The following EXOC4 variants were observed in gnomAD, a reference collection of about 807,000 sequenced individuals.
EXOC4 encodes the protein SEC8-like 1.
In EXOC4, 71 loss-of-function variants were observed where a neutral mutation model predicts 107.2. The ratio of observed to expected loss-of-function variants is 0.66; its 90% confidence interval spans 0.55 to 0.81. The LOEUF is 0.81. Among genes scored for constraint, EXOC4 ranks in the 30% least tolerant of loss-of-function variants. The pLI is 0.00. For missense variants in EXOC4, 1,108 were observed against 1,189.6 expected, an observed-to-expected ratio of 0.93 and a Z score of 1.01; for synonymous variants, 456 against 441.2, an observed-to-expected ratio of 1.03 and a Z score of -0.42.
chr7:133,346,626 T>C (rs1795789412), intron 5 of EXOC4, among the ~76,000 whole-genome samples: 1 of 152,182 alleles, frequency 6.6e-6, no homozygotes, highest in South Asian at 2.1e-4. Flanking sequence ...GTGGGGCTTC[T>C]AGATAAGTAA....
intron 9 of EXOC4, among the ~76,000 whole-genome samples, chr7:133,498,323 C>T (rs568041828): frequency 3.3e-5 from 5 of 152,146 alleles, no homozygotes; most frequent in South Asian, 2.1e-4. Context: ...CGGTGGCTCA[C>T]GCCTGTAATC....
chr7:133,320,855 A>G (rs966764336), intron 5 of EXOC4, among the ~76,000 whole-genome samples: 2 of 152,220 alleles, frequency 1.3e-5, no homozygotes, highest in Non-Finnish European at 2.9e-5. Flanking sequence ...ACAAAATGTT[A>G]CTAAGTACAT....
intron 5 of EXOC4, among the ~76,000 whole-genome samples, chr7:133,339,471 G>T (rs115095189): frequency 1.0e-3 from 152 of 152,248 alleles, no homozygotes; most frequent in African/African-American, 3.5e-3. Context: ...TTTTTGTATA[G>T]TATTGCTTTG....
At chr7:134,037,506 G>A (rs980984084) in intron 17 of EXOC4, among the ~76,000 whole-genome samples, 2 of 152,050 alleles carry the variant, frequency 1.3e-5, no homozygotes, top group African/African-American at 4.8e-5. Flanking sequence ...ATCTGAATTC[G>A]TTTCGGCATA....
intron 7 of EXOC4, among the ~76,000 whole-genome samples, chr7:133,418,173 A>C (rs78453889): frequency 8.2e-4 from 125 of 152,334 alleles, no homozygotes; most frequent in African/African-American, 2.8e-3. Flanking sequence ...TCCGTGCTTT[A>C]CATATTTAGA....
rs1563033328 is a variant in EXOC4, at chr7:133,863,375, C to T, written c.1735-32224C>T. ...TATTATAACAATGAAAAATAATACA[C>T]TCTGACTAAATGCCACAATGTGGAA... On this transcript the variant is annotated intron_variant, in intron 11 of 17. Transcript: ENST00000253861. Among the ~76,000 whole-genome samples, 4 of 152,254 alleles carry T rather than the reference C, an allele frequency of 2.6e-5. No homozygotes were observed. The South Asian group carries it at 6.2e-4, about 24-fold the overall frequency.
intron 10 of EXOC4, among the ~76,000 whole-genome samples, chr7:133,766,191 A>G (rs1796135628): frequency 2.0e-5 from 3 of 151,944 alleles, no homozygotes; most frequent in Admixed American, 2.0e-4. Context: ...GAAAAAAGAG[A>G]TAGCTTTATA....
intron 7 of EXOC4, among the ~76,000 whole-genome samples, chr7:133,453,053 A>G (rs1206908056): frequency 6.6e-6 from 1 of 152,220 alleles, no homozygotes; most frequent in African/African-American, 2.4e-5. Context: ...TGGGAGGAGA[A>G]TAAACCATAA....
In EXOC4 at chr7:133,507,714, A is replaced by G. The variant is rs999413437; in HGVS notation, c.1417+27576A>G. 4.6e-5 allele frequency among the ~76,000 whole-genome samples: 7 copies of G among 152,146 alleles called. No homozygotes were observed. The East Asian group carries it at 7.7e-4, about 17-fold the overall frequency. ...GCATGACCAGTTGACTTTTTTTCCT[A>G]TCACCACTGGCTAGTTCTGAAGTAT... On this transcript the variant is annotated intron_variant, in intron 9 of 17. Transcript: ENST00000253861.
intron 14 of EXOC4, among the ~76,000 whole-genome samples, chr7:133,971,361 T>TATATATATAGAGAGAGAGAG (rs1489958236): frequency 2.7e-5 from 2 of 75,078 alleles, no homozygotes; most frequent in East Asian, 4.7e-4. Context: ...TATATATATA[T>TATATATATAGAGAGAGAGAG]AGAGAGAGAG....
At position 133,439,265 on chromosome 7, in the gene EXOC4, A is replaced by T. The variant is rs1584918576; in HGVS notation, c.1183-36063A>T. 2.9e-5 allele frequency among the ~76,000 whole-genome samples: 4 copies of T among 137,656 alleles called. No homozygotes were observed. The Admixed American group carries it at 3.3e-4, about 11-fold the overall frequency. 90.3% of individuals were successfully genotyped at this position (137,656 alleles called of 152,430 possible). A position where few individuals can be genotyped will look rare whatever the true frequency, so the allele number is the denominator to read the frequency against. ...AGTGGGGCGATCTCGGCTTACTGCA[A>T]CCTCCGCCTCCTGGGTTCAAGTAAT... On this transcript the variant is annotated intron_variant, in intron 7 of 17. Coordinates refer to ENST00000253861, the MANE Select transcript of EXOC4 (RefSeq NM_021807.4).
At position 133,810,094 on chromosome 7, in the gene EXOC4, A is replaced by AG. The variant is rs577613895; in HGVS notation, c.1515-7231_1515-7230insG. ...AGTGATGCTGGCCGTCGAATTTTAA[A>AG]AGCTTTTTAGGATATGAATGTAAGG... On this transcript the variant is annotated intron_variant, in intron 10 of 17. Transcript: ENST00000253861. 2.2e-4 allele frequency among the ~76,000 whole-genome samples: 33 copies of AG among 152,070 alleles called. 1 individual carries two copies. In the South Asian group the frequency reaches 4.2e-3, roughly 19 times the overall value.
intron 9 of EXOC4, among the ~76,000 whole-genome samples, chr7:133,529,768 A>G (rs1046056417): frequency 2.0e-5 from 3 of 152,162 alleles, no homozygotes; most frequent in Non-Finnish European, 4.4e-5. Flanking sequence ...GATAAGAGGA[A>G]CCATGTTAAA....
chr7:133,488,194 C>T (rs1348896232), intron 9 of EXOC4, among the ~76,000 whole-genome samples: 1 of 152,022 alleles, frequency 6.6e-6, no homozygotes, highest in Non-Finnish European at 1.5e-5. Context: ...TAACAAAATT[C>T]AGAAGAAATT....
At chr7:133,853,368 A>ACG (rs1798279242) in intron 11 of EXOC4, among the ~76,000 whole-genome samples, 1 of 116,288 alleles carries the variant, frequency 8.6e-6, no homozygotes, top group African/African-American at 3.3e-5. Context: ...ACACACACAC[A>ACG]CACACACACA....
intron 5 of EXOC4, among the ~76,000 whole-genome samples, chr7:133,336,713 T>C (rs1315295053): frequency 1.6e-5 from 1 of 61,252 alleles, no homozygotes; most frequent in African/African-American, 6.2e-5. Flanking sequence ...TATTTTATTT[T>C]ATTTTATTTT....
intron 6 of EXOC4, among the ~76,000 whole-genome samples, chr7:133,369,955 C>G (rs1046869552): frequency 6.6e-6 from 1 of 152,006 alleles, no homozygotes; most frequent in Non-Finnish European, 1.5e-5. Flanking sequence ...CAGGCATGCA[C>G]CATGACGCCC....
chr7:133,316,309 G>A (rs1323040588), intron 4 of EXOC4, among the ~76,000 whole-genome samples: 12 of 151,978 alleles, frequency 7.9e-5, no homozygotes, highest in Non-Finnish European at 2.9e-5. Flanking sequence ...TTTCCTATAG[G>A]CGTGGTCTCT....
chr7:133,520,092 G>C (rs1268119582), intron 9 of EXOC4, among the ~76,000 whole-genome samples: 3 of 152,014 alleles, frequency 2.0e-5, no homozygotes, highest in Admixed American at 6.6e-5. Context: ...GGAAATGATA[G>C]CTTAATATTA....
Sources: allele counts gnomAD v4.1 joint callset (sites outside exome capture counted in the v4.1 genomes callset), GRCh38; gene constraint gnomAD v4.1.1; transcripts MANE v1.5; gene names NCBI Gene and HGNC (gene_info 2026-07-23, HGNC 2026-07-21).